TGM2: variants seen among roughly 807,000 people sequenced by gnomAD.
The protein encoded by TGM2 is transglutaminase 2.
Under a neutral mutation model 75.6 loss-of-function variants are expected in TGM2, and 53 were observed. The observed-to-expected ratio is 0.70, with a 90% CI of 0.56 to 0.88. The LOEUF (loss-of-function observed/expected upper bound fraction) is 0.88, where lower values mean the gene tolerates loss of function less well. Ranked by LOEUF, TGM2 falls within the 40% of genes least tolerant of loss-of-function variation. TGM2 has a pLI of 0.00. For synonymous variants in TGM2, 374 were observed against 381.1 expected (o/e 0.98, Z 0.22); for missense variants, 842 against 928.5 (o/e 0.91, Z 1.21).
rs763418812 is a variant in TGM2, at chr20:38,161,594, C to G, written c.16G>C (p.Val6Leu). 2.5e-6 allele frequency: 4 copies of G among 1,614,046 alleles called. No homozygotes were observed. The African/African-American group carries it at 5.3e-5, about 22-fold the overall frequency. MAEEL[V>L]LERCDLELET... ...AGCTCCAGATCACACCTCTCTAAGA[C>G]CAGCTCTATGGAAACAGAAGGAGAC... Residue 6 changes from valine (V) to leucine (L), a missense_variant, in exon 2 of 13, where the codon GTC becomes CTC. Transcript: ENST00000361475.
At chr20:38,156,118 C>A (rs779345860) in intron 2 of TGM2, 29 bp from the exon 3 acceptor site, 5 of 1,606,110 alleles carry the variant, frequency 3.1e-6, no homozygotes, top group African/African-American at 1.3e-5. Context: ...TAGCCGTGAG[C>A]TAGGGGTAGC....
chr20:38,152,445 G>A lies in TGM2; in HGVS notation c.434-1388C>T, dbSNP rs533353294. Among the ~76,000 whole-genome samples the A allele has an allele frequency of 7.9e-5, 12 of 152,312 alleles. No homozygotes were observed. The East Asian group carries it at 1.2e-3, about 15-fold the overall frequency. On this transcript the variant is annotated intron_variant, in intron 3 of 12. Coordinates refer to ENST00000361475, the MANE Select transcript of TGM2 (RefSeq NM_004613.4). ...GAACTATAATGGCTCTGCAGCAGCC[G>A]GGGGGTGTGGGATAAGAATGAAAGA...
chr20:38,132,294 C>A (rs538142291), intron 11 of TGM2, 46 bp downstream of exon 11: 6 of 1,610,224 alleles, frequency 3.7e-6, no homozygotes, highest in Middle Eastern at 1.7e-4. Flanking sequence ...CTCTCCCCAG[C>A]GCTGAGCTGC....
At position 38,141,403 on chromosome 20, in the gene TGM2, G is replaced by C. The variant is rs531203012; in HGVS notation, c.996-18C>G. The C allele has an allele frequency of 5.9e-5, 91 of 1,548,404 alleles. 1 individual carries two copies. In the South Asian group the frequency reaches 5.9e-4, roughly 10 times the overall value. ...GGAAGTTCCTGAGGGGGATAGGGGG[G>C]CGGGAATGAAGCAGAACATGAGCAA... On this transcript the variant is annotated intron_variant, in intron 7 of 12. Transcript: ENST00000361475.
chr20:38,146,676 C>G, intron 6 of TGM2, 41 bp downstream of exon 6: 2 of 1,611,364 alleles, frequency 1.2e-6, no homozygotes, highest in Non-Finnish European at 1.7e-6. Flanking sequence ...CTTCGTGCCC[C>G]CTCCCAGGGC....
intron 5 of TGM2, 62 bp from the exon 6 acceptor site, chr20:38,146,956 G>A: frequency 1.3e-6 from 2 of 1,559,806 alleles, no homozygotes; most frequent in Admixed American, 1.8e-5. Context: ...GTGCCGCCTG[G>A]GTGAGCCTGA....
At position 38,161,445 on chromosome 20, in the gene TGM2, G is replaced by A; in HGVS notation, c.165C>T (p.Asp55=). ...FEGRNYEASV[D]SLTFSVVTGP... ...CGGTCACGACACTGAAGGTGAGACT[G>A]TCTACACTGGCCTCGTAGTTGCGGC... Residue 55 remains aspartate, a synonymous_variant, in exon 2 of 13, where the codon GAC becomes GAT. Coordinates refer to ENST00000361475, the MANE Select transcript of TGM2 (RefSeq NM_004613.4). 4 of 1,614,160 alleles carry A rather than the reference G, an allele frequency of 2.5e-6. No individual in the cohort carries two copies. The highest frequency in any genetic ancestry group is 3.4e-6 in the Non-Finnish European group (4 of 1,180,020).
At chr20:38,146,603 T>G in intron 6 of TGM2, 114 bp downstream of exon 6, 54 of 1,262,396 alleles carry the variant, frequency 4.3e-5, no homozygotes, top group Non-Finnish European at 5.3e-5. Context: ...CATAGCGCAT[T>G]GAGAGTGTTG....
chr20:38,153,018 T>A (rs2075132207), intron 3 of TGM2, among the ~76,000 whole-genome samples: 2 of 117,270 alleles, frequency 1.7e-5, no homozygotes. Flanking sequence ...TTGACTAAAA[T>A]TCAAAACAAA....
intron 2 of TGM2, among the ~76,000 whole-genome samples, chr20:38,156,725 G>A (rs2284878): frequency 0.083 from 12,575 of 151,976 alleles, 645 homozygotes; most frequent in Admixed American, 0.12. Flanking sequence ...TGGTCATAAC[G>A]ACCCCTCACC....
At position 38,138,096 on chromosome 20, in the gene TGM2, G is replaced by A. The variant is rs993730756; in HGVS notation, c.1615+17C>T. ...CAGTTGGCGGTCAACAAATGCTCCA[G>A]GAACACAGGGCTTTACCAGAGAAAG... On this transcript the variant is annotated intron_variant, in intron 10 of 12. Transcript: ENST00000361475. 1.1e-5 allele frequency: 18 copies of A among 1,575,004 alleles called. No homozygotes were observed. The African/African-American group carries it at 2.4e-4, about 21-fold the overall frequency.
chr20:38,138,402 G>A lies in TGM2; in HGVS notation c.1343-17C>T. 6.2e-7 allele frequency: 1 copy of A among 1,613,380 alleles called. No individual in the cohort carries two copies. The highest frequency in any genetic ancestry group is 1.1e-5 in the South Asian group (1 of 91,042). ...CTGAGGACCCTGTAGGGGTTGAGAA[G>A]AGAGCCTCAATCACAGCTGGAATAG... is the stretch of plus-strand genomic sequence containing the variant. On this transcript the variant is annotated splice_polypyrimidine_tract_variant and intron_variant, in intron 9 of 12. Transcript: ENST00000361475.
Position 38,148,020 on chromosome 20 carries a change from C to A in TGM2, c.622G>T (p.Gly208Cys). The change falls in exon 5 of 13, where the codon GGC becomes TGC. Residue 208 changes from glycine (G) to cysteine (C), a missense_variant. Coordinates refer to ENST00000361475, the MANE Select transcript of TGM2 (RefSeq NM_004613.4). Reference protein sequence around the residue: ...DVNPKFLKNAGRDCSRRSSPV... With the variant: ...DVNPKFLKNACRDCSRRSSPV... The stretch of plus-strand genomic sequence containing the variant: ...CTGCTGCGGCGGGAGCAGTCACGGC[C>A]GGCGTTCTTCAGGAACTTGGGGTTG... 1 of 1,613,184 alleles carries A rather than the reference C, an allele frequency of 6.2e-7. No homozygotes were observed.
chr20:38,140,854 T>C (rs886825744), intron 8 of TGM2, among the ~76,000 whole-genome samples: 2 of 152,220 alleles, frequency 1.3e-5, no homozygotes, highest in African/African-American at 2.4e-5. Flanking sequence ...TCCATATGCA[T>C]CACAAAATTG....
At chr20:38,150,718 T>A (rs1205411274) in intron 4 of TGM2, among the ~76,000 whole-genome samples, 1 of 152,370 alleles carries the variant, frequency 6.6e-6, no homozygotes, top group South Asian at 2.1e-4. Flanking sequence ...TAGTTCTTTC[T>A]CCACCTTGAA....
chr20:38,129,737 A>C lies in TGM2; in HGVS notation c.*482T>G, dbSNP rs2074803361. On this transcript the variant is annotated 3_prime_UTR_variant, in exon 13 of 13. Coordinates refer to ENST00000361475, the MANE Select transcript of TGM2 (RefSeq NM_004613.4). ...CTTGGGCCTATCACTGTCCCCACCC[A>C]GCTCTGGCTGTCCCAAGGGCCCCTG... 5.9e-6 allele frequency: 1 copy of C among 168,184 alleles called. No individual in the cohort carries two copies. The highest frequency in any genetic ancestry group is 1.3e-5 in the Non-Finnish European group (1 of 76,930). 10.4% of individuals were successfully genotyped at this position (168,184 alleles called of 1,614,324 possible). A position where few individuals can be genotyped will look rare whatever the true frequency, so the allele number is the denominator to read the frequency against.
intron 8 of TGM2, 135 bp from the exon 9 acceptor site, chr20:38,139,789 C>T: frequency 8.4e-7 from 1 of 1,186,938 alleles, no homozygotes; most frequent in East Asian, 2.6e-5. Flanking sequence ...GACTCCACTT[C>T]CAGGAGGGCA....
chr20:38,139,447 C>T lies in TGM2; in HGVS notation c.1307G>A (p.Arg436Gln), dbSNP rs780056790. Reference protein sequence around the residue: ...ISTKSVGRDEREDITHTYKYP... With the variant: ...ISTKSVGRDEQEDITHTYKYP... ...TTTGTAGGTGTGGGTGATATCCTCCCGCTCGTCTCGGCCCACGCTCTTAGT... is the reference window on the plus strand; with the variant it reads ...TTTGTAGGTGTGGGTGATATCCTCCTGCTCGTCTCGGCCCACGCTCTTAGT... Residue 436 changes from arginine (R) to glutamine (Q), a missense_variant, in exon 9 of 13, where the codon CGG becomes CAG. Physicochemically the swap from Arg to Gln is conservative, Grantham distance 43. Coordinates refer to ENST00000361475, the MANE Select transcript of TGM2 (RefSeq NM_004613.4). The T allele has an allele frequency of 1.4e-5, 22 of 1,614,058 alleles. No individual in the cohort carries two copies. Among genetic ancestry groups the T allele is most frequent in the East Asian group, 8.9e-5 (4 of 44,896 alleles).
intron 6 of TGM2, among the ~76,000 whole-genome samples, chr20:38,143,832 G>A (rs1333862999): frequency 2.0e-5 from 3 of 152,212 alleles, no homozygotes; most frequent in Non-Finnish European, 4.4e-5. Flanking sequence ...TGGGGGAGAA[G>A]GGATGCGACC....
Sources: allele counts gnomAD v4.1 joint callset (sites outside exome capture counted in the v4.1 genomes callset), GRCh38; gene constraint gnomAD v4.1.1; transcripts MANE v1.5; gene names NCBI Gene and HGNC (gene_info 2026-07-23, HGNC 2026-07-21).